Variants in TENM2 observed in about 807,000 individuals in gnomAD.
The protein encoded by TENM2 is teneurin-2.
TENM2 carries 52 observed loss-of-function variants against 245.2 expected under a neutral mutation model. The observed-to-expected ratio is 0.21, with a 90% confidence interval of 0.17 to 0.27. The LOEUF (loss-of-function observed/expected upper bound fraction) is 0.27. TENM2 is among the 10% of genes least tolerant of loss of function. TENM2 has a pLI of 1.00. For synonymous variants in TENM2, 1,363 were observed against 1,438.9 expected (o/e 0.95, Z 1.19); for missense variants, 3,046 against 3,666.8 (o/e 0.83, Z 4.37).
chr5:167,859,678 A>C (rs1227018292), intron 2 of TENM2, among the ~76,000 whole-genome samples: 1 of 91,838 alleles, frequency 1.1e-5, no homozygotes, highest in East Asian at 4.2e-4. Flanking sequence ...AGCCGCCCCT[A>C]CTGGGAAGTG....
chr5:167,012,499 G>A, the TENM2 span, among the ~76,000 whole-genome samples: 5 of 152,160 alleles, frequency 3.3e-5, no homozygotes, highest in African/African-American at 1.2e-4. Context: ...AGTGGAGCCG[G>A]GAAAGTGGTT....
intron 1 of TENM2, among the ~76,000 whole-genome samples, chr5:167,370,375 G>A (rs1378052755): frequency 6.9e-5 from 10 of 144,542 alleles, no homozygotes; most frequent in African/African-American, 2.3e-4. Flanking sequence ...AAAAAAAGAC[G>A]TGGAGAGGAT....
rs1760986254 is a variant in TENM2 at position 167,379,841 on chromosome 5, T to G, written c.502+4368T>G. The stretch of plus-strand genomic sequence containing the variant: ...TGATGTTGATATGGGATGATTTCTT[T>G]TCCAGCCACATTTTATGAAGCCAAT... On this transcript the variant is annotated intron_variant, in intron 2 of 28. Transcript: ENST00000518659. Among the ~76,000 whole-genome samples the G allele has an allele frequency of 1.3e-5, 2 of 151,810 alleles. 1 individual carries two copies. The highest frequency in any genetic ancestry group is 4.2e-4 in the South Asian group (2 of 4,804).
intron 2 of TENM2, among the ~76,000 whole-genome samples, chr5:167,401,448 A>C (rs186107637): frequency 3.7e-4 from 56 of 152,320 alleles, no homozygotes; most frequent in African/African-American, 1.3e-3. Context: ...TAAGATTCTC[A>C]TAATTTATAT....
intron 1 of TENM2, among the ~76,000 whole-genome samples, chr5:167,352,804 A>C (rs1393480320): frequency 2.0e-5 from 3 of 152,214 alleles, no homozygotes; most frequent in African/African-American, 7.2e-5. Context: ...GTCGGCATTA[A>C]CGCAAAATAA....
chr5:167,871,284 T>C (rs1279392408), intron 2 of TENM2, among the ~76,000 whole-genome samples: 1 of 152,138 alleles, frequency 6.6e-6, no homozygotes, highest in Non-Finnish European at 1.5e-5. Context: ...GTCCATGAAA[T>C]TTCTAATTGA....
intron 2 of TENM2, among the ~76,000 whole-genome samples, chr5:167,752,499 G>A (rs771254679): frequency 6.6e-6 from 1 of 152,008 alleles, no homozygotes; most frequent in Non-Finnish European, 1.5e-5. Flanking sequence ...TTCTATTTCA[G>A]TGAGACTACA....
At chr5:167,893,252 C>T (rs913501989) in intron 3 of TENM2, among the ~76,000 whole-genome samples, 7 of 151,820 alleles carry the variant, frequency 4.6e-5, no homozygotes, top group Non-Finnish European at 1.5e-5. Context: ...AATTCACATC[C>T]TTCATGTTCT....
At chr5:167,403,062 T>G (rs1305844789) in intron 2 of TENM2, among the ~76,000 whole-genome samples, 1 of 152,126 alleles carries the variant, frequency 6.6e-6, no homozygotes, top group African/African-American at 2.4e-5. Flanking sequence ...AGAATGGATT[T>G]GCTTATGGTT....
At chr5:167,217,965 CT>C in the TENM2 span, among the ~76,000 whole-genome samples, 17 of 151,840 alleles carry the variant, frequency 1.1e-4, no homozygotes, top group African/African-American at 4.1e-4. Flanking sequence ...CCAAACTGTG[CT>C]TAAAAAAACA....
chr5:167,894,736 T>A (rs1033505554), intron 3 of TENM2, among the ~76,000 whole-genome samples: 1 of 152,162 alleles, frequency 6.6e-6, no homozygotes, highest in Non-Finnish European at 1.5e-5. Flanking sequence ...ATTGTGCATA[T>A]TTTGCAAATA....
At chr5:167,938,415 T>G (rs889945192) in intron 3 of TENM2, 5 of 152,166 alleles carry the variant, frequency 3.3e-5, no homozygotes, top group Non-Finnish European at 5.9e-5. Flanking sequence ...TCTACAAAAT[T>G]TTATACATGA....
chr5:167,167,692 G>T, the TENM2 span, among the ~76,000 whole-genome samples: 6 of 152,246 alleles, frequency 3.9e-5, no homozygotes, highest in Non-Finnish European at 8.8e-5. Flanking sequence ...CCAACATATT[G>T]TGACTGTTTC....
intron 1 of TENM2, chr5:167,297,475 G>C (rs1459823445): frequency 6.6e-6 from 1 of 152,330 alleles, no homozygotes; most frequent in African/African-American, 2.4e-5. Context: ...GGCTTGGAAT[G>C]TAACAGGTAA....
chr5:167,952,038 A>C (rs1158115364), intron 3 of TENM2, among the ~76,000 whole-genome samples: 1 of 152,142 alleles, frequency 6.6e-6, no homozygotes, highest in African/African-American at 2.4e-5. Context: ...GATCAAATTG[A>C]CCTGGTGCTG....
the TENM2 span, among the ~76,000 whole-genome samples, chr5:167,206,127 AT>A: frequency 6.6e-6 from 1 of 152,132 alleles, no homozygotes; most frequent in African/African-American, 2.4e-5. Context: ...CAGAAAACAA[AT>A]CTTGCTTACC....
At chr5:167,231,046 T>G in the TENM2 span, among the ~76,000 whole-genome samples, 1 of 152,182 alleles carries the variant, frequency 6.6e-6, no homozygotes, top group Non-Finnish European at 1.5e-5. Context: ...CTGCTGCCCA[T>G]GAAGAGGTGC....
intron 2 of TENM2, among the ~76,000 whole-genome samples, chr5:167,780,936 T>G (rs1764148956): frequency 6.6e-6 from 1 of 152,202 alleles, no homozygotes; most frequent in Non-Finnish European, 1.5e-5. Flanking sequence ...TGTTTCCACT[T>G]ATTTATTTGT....
chr5:167,759,823 A>C (rs1762544205), intron 2 of TENM2, among the ~76,000 whole-genome samples: 1 of 152,192 alleles, frequency 6.6e-6, no homozygotes. Flanking sequence ...ATTATGCAAG[A>C]GCTAGTTTAC....
Sources: gnomAD v4.1 joint callset for allele counts (sites outside exome capture counted in the v4.1 genomes callset) on GRCh38, gnomAD v4.1.1 for gene constraint, MANE v1.5 for transcripts, NCBI Gene and HGNC (gene_info 2026-07-23, HGNC 2026-07-21) for gene names.